Variants in PTCSC3 observed in about 807,000 individuals in gnomAD.
PTCSC3 encodes papillary thyroid carcinoma susceptibility candidate 3 (non-protein coding).
chr14:36,145,446 G>A lies in PTCSC3; in HGVS notation n.322+8358C>T, dbSNP rs528442900. ...CTTCTAGATTTTCTAGTTTATTTGC[G>A]TAGAGGTGTTTGTAGTATTCTCTGA... On this transcript the variant is annotated intron_variant and non_coding_transcript_variant, in intron 3 of 3. Coordinates refer to ENST00000556013, the Ensembl canonical transcript of PTCSC3. Among the ~76,000 whole-genome samples, 221 of 149,524 alleles carry A rather than the reference G, an allele frequency of 1.5e-3. 1 individual carries two copies. Among genetic ancestry groups the A allele is most frequent in the African/African-American group, 4.5e-3 (183 of 40,630 alleles).
intron 1 of PTCSC3, among the ~76,000 whole-genome samples, chr14:36,168,025 A>C (rs554941717): frequency 6.6e-6 from 1 of 152,072 alleles, no homozygotes; most frequent in South Asian, 2.1e-4. Flanking sequence ...GTTCCCAGGC[A>C]TGTGAATTGC....
chr14:36,141,777 G>A (rs1436136385), intron 3 of PTCSC3, among the ~76,000 whole-genome samples: 1 of 152,138 alleles, frequency 6.6e-6, no homozygotes, highest in Non-Finnish European at 1.5e-5. Context: ...TTTACACCTA[G>A]TTATTTTGGG....
At chr14:36,142,823 A>G (rs1430385920) in intron 3 of PTCSC3, among the ~76,000 whole-genome samples, 3 of 109,414 alleles carry the variant, frequency 2.7e-5, no homozygotes, top group Non-Finnish European at 5.3e-5. Context: ...CCACCCCACA[A>G]CAGTCCCCAG....
chr14:36,149,809 T>C (rs549792445), intron 3 of PTCSC3, among the ~76,000 whole-genome samples: 43 of 152,330 alleles, frequency 2.8e-4, no homozygotes, highest in African/African-American at 1.0e-3. Context: ...ATATGGTACA[T>C]CTTTCTCCAT....
chr14:36,161,963 TG>T (rs996459116), intron 2 of PTCSC3, among the ~76,000 whole-genome samples: 2 of 152,124 alleles, frequency 1.3e-5, no homozygotes, highest in African/African-American at 4.8e-5. Context: ...GGAGCTGCGG[TG>T]GGCGTCTCCA....
At chr14:36,169,658 C>A (rs1489037304) in intron 1 of PTCSC3, among the ~76,000 whole-genome samples, 1 of 152,054 alleles carries the variant, frequency 6.6e-6, no homozygotes, top group Non-Finnish European at 1.5e-5. Flanking sequence ...TTTAGGGGAA[C>A]AATAAGCAGT....
chr14:36,158,582 C>G (rs1224578070), intron 2 of PTCSC3, among the ~76,000 whole-genome samples: 1 of 152,186 alleles, frequency 6.6e-6, no homozygotes, highest in Admixed American at 6.5e-5. Context: ...TTGAACCAGC[C>G]TTGCATCCCA....
intron 3 of PTCSC3, among the ~76,000 whole-genome samples, chr14:36,141,434 T>C (rs549086108): frequency 1.3e-5 from 2 of 152,230 alleles, no homozygotes; most frequent in East Asian, 1.9e-4. Flanking sequence ...TTTCCTCATA[T>C]ATATTTTGTC....
chr14:36,146,019 C>G (rs1255943110), intron 3 of PTCSC3, among the ~76,000 whole-genome samples: 1 of 152,044 alleles, frequency 6.6e-6, no homozygotes, highest in Non-Finnish European at 1.5e-5. Context: ...GCACTGTGGT[C>G]TGAGAGATAG....
intron 2 of PTCSC3, among the ~76,000 whole-genome samples, chr14:36,159,045 G>A (rs997278197): frequency 7.3e-6 from 1 of 136,666 alleles, no homozygotes; most frequent in Non-Finnish European, 1.7e-5. Flanking sequence ...TTGCATAGAG[G>A]TGTTTAAAGT....
chr14:36,135,284 T>C (rs1881260355), downstream of PTCSC3, among the ~76,000 whole-genome samples: 1 of 152,216 alleles, frequency 6.6e-6, no homozygotes, highest in Non-Finnish European at 1.5e-5. Context: ...TATGTGTGTG[T>C]GCATGTGTGT....
intron 3 of PTCSC3, among the ~76,000 whole-genome samples, chr14:36,137,363 A>G (rs945146363): frequency 6.6e-6 from 1 of 152,226 alleles, no homozygotes; most frequent in African/African-American, 2.4e-5. Context: ...AGGGTCTTGC[A>G]GCTTATGTAA....
At chr14:36,162,285 A>AAAAAAC (rs1566509723) in intron 2 of PTCSC3, among the ~76,000 whole-genome samples, 3 of 139,110 alleles carry the variant, frequency 2.2e-5, no homozygotes, top group Admixed American at 7.2e-5. Context: ...AAAAAAAAAA[A>AAAAAAC]CTCCTGCAGC....
intron 3 of PTCSC3, among the ~76,000 whole-genome samples, chr14:36,138,019 G>A (rs1463707160): frequency 6.6e-6 from 1 of 152,120 alleles, no homozygotes; most frequent in African/African-American, 2.4e-5. Flanking sequence ...TGTGAACCCT[G>A]GATCACTCTG....
intron 1 of PTCSC3, among the ~76,000 whole-genome samples, chr14:36,173,670 A>G (rs1882228897): frequency 6.6e-6 from 1 of 152,014 alleles, no homozygotes; most frequent in African/African-American, 2.4e-5. Context: ...CATGTTTCTG[A>G]TGAAGATGCT....
At chr14:36,148,007 G>A (rs1016779927) in intron 3 of PTCSC3, among the ~76,000 whole-genome samples, 1 of 152,198 alleles carries the variant, frequency 6.6e-6, no homozygotes, top group African/African-American at 2.4e-5. Context: ...CCTTGAGGAG[G>A]CAGTCTGCCC....
intron 2 of PTCSC3, among the ~76,000 whole-genome samples, chr14:36,160,193 G>C (rs1375410165): frequency 6.6e-6 from 1 of 152,178 alleles, no homozygotes; most frequent in Non-Finnish European, 1.5e-5. Flanking sequence ...TTGCCAGTCT[G>C]TGTCTTTTAA....
At chr14:36,151,440 TATG>T (rs1881721527) in intron 3 of PTCSC3, among the ~76,000 whole-genome samples, 2 of 152,220 alleles carry the variant, frequency 1.3e-5, no homozygotes, top group South Asian at 4.1e-4. Context: ...TGTGGAAAAT[TATG>T]ATACGTTATT....
At chr14:36,164,005 T>G (rs1566510278) in intron 1 of PTCSC3, 1 of 152,196 alleles carries the variant, frequency 6.6e-6, no homozygotes, top group African/African-American at 2.4e-5. Flanking sequence ...ATGCACCACA[T>G]AGATGAAATA....
Sources: allele counts gnomAD v4.1 joint callset (sites outside exome capture counted in the v4.1 genomes callset), GRCh38; gene constraint gnomAD v4.1.1; transcripts MANE v1.5; gene names NCBI Gene and HGNC (gene_info 2026-07-23, HGNC 2026-07-21).